TRIM10: variants seen among roughly 807,000 people sequenced by gnomAD.
TRIM10 encodes the protein tripartite motif-containing protein 10.
Under a neutral mutation model 40.0 loss-of-function variants are expected in TRIM10, and 42 were observed. That is an observed-to-expected ratio of 1.05 (90% CI 0.82 to 1.36). The LOEUF (loss-of-function observed/expected upper bound fraction) is 1.36. Among genes scored for constraint, TRIM10 ranks in the 40% most tolerant of loss-of-function variants. TRIM10 has a pLI of 0.00. For missense variants in TRIM10, 601 were observed against 608.3 expected, an observed-to-expected ratio of 0.99 and a Z score of 0.13; for synonymous variants, 260 against 239.5, an observed-to-expected ratio of 1.09 and a Z score of -0.79.
intron 4 of TRIM10, 112 bp from the exon 5 acceptor site, chr6:30,157,166 G>A (rs966709667): frequency 6.6e-6 from 8 of 1,204,880 alleles, no homozygotes; most frequent in East Asian, 4.7e-5. Flanking sequence ...GCAGGCAGAC[G>A]TACTTCCTCT....
chr6:30,159,833 AT>A, intron 1 of TRIM10, among the ~76,000 whole-genome samples: 1 of 152,340 alleles, frequency 6.6e-6, no homozygotes, highest in Non-Finnish European at 1.5e-5. Context: ...TCAACTGCTA[AT>A]TAACTAATTA....
In TRIM10 at chr6:30,154,141, T is replaced by G; in HGVS notation, c.1274A>C (p.Lys425Thr). 1 of 1,612,906 alleles carries G rather than the reference T, an allele frequency of 6.2e-7. No individual in the cohort carries two copies. The highest frequency in any genetic ancestry group is 8.5e-7 in the Non-Finnish European group (1 of 1,179,896). Residue 425 changes from lysine (K) to threonine (T), a missense_variant, in exon 7 of 7, where the codon AAG (lysine) becomes ACG (threonine). By Grantham distance (78) the Lys-to-Thr change is moderately conservative. Coordinates refer to ENST00000449742, the MANE Select transcript of TRIM10 (RefSeq NM_006778.4). ...CACCCTCACCTGCCGGGGCTGCTCC[T>G]TCAGGGTCAGCCGTGTGGGGAAGGA... ...LGSFPTRLTL[K>T]EQPRQVRVSL...
intron 5 of TRIM10, among the ~76,000 whole-genome samples, chr6:30,155,968 T>C (rs1189355196): frequency 6.6e-6 from 1 of 152,110 alleles, no homozygotes; most frequent in Non-Finnish European, 1.5e-5. Flanking sequence ...TGCTCTGGGG[T>C]GGAGCTGAAC....
intron 6 of TRIM10, among the ~76,000 whole-genome samples, chr6:30,155,392 T>C (rs1772437767): frequency 6.6e-6 from 1 of 152,218 alleles, no homozygotes; most frequent in Non-Finnish European, 1.5e-5. Flanking sequence ...TATCCCATTC[T>C]GCATTAATCT....
Position 30,160,848 on chromosome 6 carries a change from G to A in TRIM10, c.11C>T (p.Ala4Val), listed in dbSNP as rs1773031213. The A allele has an allele frequency of 6.2e-7, 1 of 1,609,370 alleles. No homozygotes were observed. The highest frequency in any genetic ancestry group is 1.3e-5 in the African/African-American group (1 of 74,880). The change falls in exon 1 of 7, where the codon GCT (alanine) becomes GTT (valine). Residue 4 changes from alanine (A) to valine (V), a missense_variant. Coordinates refer to ENST00000449742, the MANE Select transcript of TRIM10 (RefSeq NM_006778.4). Reference sequence around the variant, plus strand: ...ATCTGCCAGGCTGGTCACAGAGGCAGCAGAGGCCATGCTGGTCCTGCTGCT... The same window carrying A: ...ATCTGCCAGGCTGGTCACAGAGGCAACAGAGGCCATGCTGGTCCTGCTGCT... MAS[A>V]ASVTSLADEV...
upstream of TRIM10, chr6:30,163,541 C>CCCCT: frequency 9.3e-7 from 1 of 1,080,830 alleles, no homozygotes; most frequent in Non-Finnish European, 1.3e-6. Context: ...GGCATTCTTG[C>CCCCT]CTCTCTCTCT....
In TRIM10 at chr6:30,154,167, G is replaced by A. The variant is rs1772284882; in HGVS notation, c.1248C>T (p.Gly416=). The A allele has an allele frequency of 6.2e-7, 1 of 1,612,148 alleles. No homozygotes were observed. Among genetic ancestry groups the A allele is most frequent in the Admixed American group, 1.7e-5 (1 of 59,988 alleles). ...RLAWGFVSAL[G]SFPTRLTLKE... Reference sequence around the variant, plus strand: ...TCAGGGTCAGCCGTGTGGGGAAGGAGCCCAGAGCCGAGACGAAGCCCCAAG... The same window carrying A: ...TCAGGGTCAGCCGTGTGGGGAAGGAACCCAGAGCCGAGACGAAGCCCCAAG... Residue 416 remains glycine, a synonymous_variant, in exon 7 of 7, where the codon GGC becomes GGT. Transcript: ENST00000449742.
upstream of TRIM10, chr6:30,163,616 C>T (rs762089357): frequency 6.6e-7 from 1 of 1,519,654 alleles, no homozygotes; most frequent in Non-Finnish European, 8.8e-7. Context: ...AAGTGTGACT[C>T]GATTTCAGGG....
At chr6:30,156,780 A>G (rs1260280827) in intron 5 of TRIM10, 159 bp downstream of exon 5, 2 of 716,054 alleles carry the variant, frequency 2.8e-6, no homozygotes, top group Admixed American at 4.0e-5. Flanking sequence ...CAATATCCTA[A>G]TAGGCAGATT....
In TRIM10 at chr6:30,160,912, G is replaced by A. The variant is rs1773039664; in HGVS notation, c.-54C>T. On this transcript the variant is annotated 5_prime_UTR_variant, in exon 1 of 7. Coordinates refer to ENST00000449742, the MANE Select transcript of TRIM10 (RefSeq NM_006778.4). ...GGCCACTCTCTCTGCTTGGCCACGG[G>A]GGAAGGGCTGGGTCACACACTCACA... 3 of 1,505,456 alleles carry A rather than the reference G, an allele frequency of 2.0e-6. No homozygotes were observed. Among genetic ancestry groups the A allele is most frequent in the African/African-American group, 1.4e-5 (1 of 72,604 alleles). The allele number at this position is 1,505,456 out of a possible 1,614,324, so 93.3% of individuals were successfully genotyped here.
In TRIM10 at chr6:30,154,463, T is replaced by A. The variant is rs761621095; in HGVS notation, c.952A>T (p.Thr318Ser). ...GACAAGAGGAGCTTGGGGTGGGAAG[T>A]CTGAGGGTCTAGAGAAATGTGAGCT... is the stretch of plus-strand genomic sequence containing the variant. ...EPAHISLDPQ[T>S]SHPKLLLSED... Residue 318 changes from threonine (T) to serine (S), a missense_variant, in exon 7 of 7, where the codon ACT (threonine) becomes TCT (serine). Coordinates refer to ENST00000449742, the MANE Select transcript of TRIM10 (RefSeq NM_006778.4). 5.0e-6 allele frequency: 8 copies of A among 1,611,914 alleles called. No individual in the cohort carries two copies. The highest frequency in any genetic ancestry group is 6.8e-6 in the Non-Finnish European group (8 of 1,179,990).
At chr6:30,156,276 A>G (rs1772521615) in intron 5 of TRIM10, among the ~76,000 whole-genome samples, 1 of 152,216 alleles carries the variant, frequency 6.6e-6, no homozygotes, top group Non-Finnish European at 1.5e-5. Context: ...GAATTATGGG[A>G]AAAGTCCTTC....
In TRIM10 at chr6:30,153,673, A is replaced by C; in HGVS notation, c.*296T>G. 1 of 1,606,582 alleles carries C rather than the reference A, an allele frequency of 6.2e-7. No individual in the cohort carries two copies. Among genetic ancestry groups the C allele is most frequent in the Non-Finnish European group, 8.5e-7 (1 of 1,176,948 alleles). ...CAAGAACCCAGGTCTTCTGACTTCAAATCCAGTGCCCTTTCTATGCAGCTA... is the reference window on the plus strand; with the variant it reads ...CAAGAACCCAGGTCTTCTGACTTCACATCCAGTGCCCTTTCTATGCAGCTA... On this transcript the variant is annotated 3_prime_UTR_variant, in exon 7 of 7. Transcript: ENST00000449742.
At chr6:30,157,427 C>T (rs370407985) in intron 3 of TRIM10, 36 bp from the exon 4 acceptor site, 1 of 1,571,546 alleles carries the variant, frequency 6.4e-7, no homozygotes, top group African/African-American at 1.4e-5. Context: ...CAGTTTCCAG[C>T]TTCTCCTTTC....
In TRIM10 at chr6:30,153,408, G is replaced by A. The variant is rs2517653; in HGVS notation, c.*561C>T. The stretch of plus-strand genomic sequence containing the variant: ...CCCGTAACACCCACCACACTGTGCT[G>A]TAATTTCCTCTTTATGTTTCTCTGT... On this transcript the variant is annotated 3_prime_UTR_variant, in exon 7 of 7. Transcript: ENST00000449742. 106,406 of 458,182 alleles carry A rather than the reference G, an allele frequency of 0.23. 13,679 individuals carry two copies. Among genetic ancestry groups the A allele is most frequent in the Admixed American group, 0.26 (7,385 of 28,506 alleles). The allele number at this position is 458,182 out of a possible 1,614,324, so 28.4% of individuals were successfully genotyped here.
At chr6:30,163,502 G>A (rs1773301275), upstream of TRIM10, 8 of 779,292 alleles carry the variant, frequency 1.0e-5, no homozygotes, top group Non-Finnish European at 1.4e-5. Context: ...GGGAACACAA[G>A]AGGCGGAGCC....
chr6:30,153,487 C>G lies in TRIM10; in HGVS notation c.*482G>C. Reference sequence around the variant, plus strand: ...CAGGTTTTTTTTTTCTCTATATTTTCAAGTCACCAGTGGCCACCACACTGC... The same window carrying G: ...CAGGTTTTTTTTTTCTCTATATTTTGAAGTCACCAGTGGCCACCACACTGC... On this transcript the variant is annotated 3_prime_UTR_variant, in exon 7 of 7. Transcript: ENST00000449742. 1 of 562,648 alleles carries G rather than the reference C, an allele frequency of 1.8e-6. No homozygotes were observed. The allele number at this position is 562,648 out of a possible 1,614,324, so 34.9% of individuals were successfully genotyped here.
At chr6:30,157,338 AAAAAG>A (rs780584744) in intron 4 of TRIM10, 26 bp downstream of exon 4, 34 of 1,577,614 alleles carry the variant, frequency 2.2e-5, no homozygotes, top group Non-Finnish European at 2.9e-5. Flanking sequence ...ATTTATATGG[AAAAAG>A]AAAAGAGAGA....
intron 2 of TRIM10, 130 bp from the exon 3 acceptor site, chr6:30,158,759 G>T: frequency 1.3e-6 from 1 of 769,528 alleles, no homozygotes; most frequent in South Asian, 1.6e-5. Context: ...ATCCCATTTC[G>T]AGAAGCAAGA....
Sources: allele counts gnomAD v4.1 joint callset (sites outside exome capture counted in the v4.1 genomes callset), GRCh38; gene constraint gnomAD v4.1.1; transcripts MANE v1.5; gene names NCBI Gene and HGNC (gene_info 2026-07-23, HGNC 2026-07-21).